SLC35F1: variants seen among roughly 807,000 people sequenced by gnomAD.
SLC35F1 encodes the protein solute carrier family 35 member F1, also known as chromosome 6 open reading frame 169.
SLC35F1 carries 14 observed loss-of-function variants against 48.7 expected under a neutral mutation model. The ratio of observed to expected loss-of-function variants is 0.29; its 90% CI spans 0.19 to 0.45. The LOEUF (loss-of-function observed/expected upper bound fraction) is 0.45, where lower values mean the gene tolerates loss of function less well. SLC35F1 is among the 20% of genes least tolerant of loss of function. SLC35F1 has a pLI of 1.00. For missense variants in SLC35F1, 404 were observed against 500.0 expected (o/e 0.81, Z 1.83); for synonymous variants, 190 against 202.2 (o/e 0.94, Z 0.51).
chr6:118,062,002 A>C (rs1019109736), intron 1 of SLC35F1, among the ~76,000 whole-genome samples: 2 of 152,128 alleles, frequency 1.3e-5, no homozygotes. Context: ...CCCTGGCTTA[A>C]ACCATAGTTG....
At chr6:118,229,775 G>A (rs376068356) in intron 2 of SLC35F1, among the ~76,000 whole-genome samples, 27 of 152,260 alleles carry the variant, frequency 1.8e-4, no homozygotes, top group African/African-American at 6.3e-4. Context: ...GACACTCTCT[G>A]ACACATAGTA....
At chr6:118,124,570 T>G (rs1433435038) in intron 1 of SLC35F1, among the ~76,000 whole-genome samples, 1 of 152,174 alleles carries the variant, frequency 6.6e-6, no homozygotes, top group Non-Finnish European at 1.5e-5. Context: ...TGTGACCTAC[T>G]GACTGAGGTC....
chr6:118,051,759 C>T (rs1772394948), intron 1 of SLC35F1, among the ~76,000 whole-genome samples: 1 of 152,078 alleles, frequency 6.6e-6, no homozygotes, highest in Admixed American at 6.6e-5. Flanking sequence ...CAGTATTAAC[C>T]ATTAATGAAG....
At position 117,907,824 on chromosome 6, in the gene SLC35F1, G is replaced by T; in HGVS notation, c.98G>T (p.Gly33Val). 1 of 1,544,378 alleles carries T rather than the reference G, an allele frequency of 6.5e-7. No individual in the cohort carries two copies. The change falls in exon 1 of 8, where the codon GGC (glycine) becomes GTC (valine). Residue 33 changes from glycine (G) to valine (V), a missense_variant. Around this residue, in one of 2 missense-constraint regions of SLC35F1, gnomAD observed 98 missense variants for 81.0 expected, o/e 1.21. Transcript: ENST00000360388. ...VTTIENLPAE[G>V]SGGGGSLSAS... ...ACCATCGAGAACCTGCCGGCCGAGG[G>T]CAGCGGCGGCGGCGGGAGCCTGTCC...
chr6:117,971,571 C>T lies in SLC35F1; in HGVS notation c.173+63672C>T, dbSNP rs543459167. Among the ~76,000 whole-genome samples the T allele has an allele frequency of 3.3e-5, 5 of 152,354 alleles. No individual in the cohort carries two copies. In the South Asian group the frequency reaches 1.0e-3, roughly 32 times the overall value. On this transcript the variant is annotated intron_variant, in intron 1 of 7. Transcript: ENST00000360388. ...CAGAGGCTCTCCATGAGGGGTCCAC[C>T]CCTGCAGTAAGCTTCTGCCTGGACA...
At chr6:118,204,083 C>T (rs1330651003) in intron 2 of SLC35F1, among the ~76,000 whole-genome samples, 1 of 150,844 alleles carries the variant, frequency 6.6e-6, no homozygotes, top group Non-Finnish European at 1.5e-5. Context: ...TCAGAGAAGA[C>T]TTAATTAAGG....
At chr6:118,133,344 A>C (rs930842713) in intron 1 of SLC35F1, among the ~76,000 whole-genome samples, 24 of 152,166 alleles carry the variant, frequency 1.6e-4, no homozygotes, top group African/African-American at 5.3e-4. Context: ...CTTGACTGAG[A>C]AGCTTTTTCA....
chr6:118,079,302 A>G (rs1772870774), intron 1 of SLC35F1, among the ~76,000 whole-genome samples: 1 of 152,200 alleles, frequency 6.6e-6, no homozygotes, highest in Admixed American at 6.5e-5. Flanking sequence ...TGTTCATTTT[A>G]CTTAGCATAA....
At chr6:118,098,103 G>A (rs1773204136) in intron 1 of SLC35F1, among the ~76,000 whole-genome samples, 2 of 152,146 alleles carry the variant, frequency 1.3e-5, no homozygotes, top group African/African-American at 4.8e-5. Flanking sequence ...AGTTCTAGGT[G>A]AAGATACAAT....
intron 2 of SLC35F1, among the ~76,000 whole-genome samples, chr6:118,200,072 T>C (rs1774852947): frequency 6.6e-6 from 1 of 152,112 alleles, no homozygotes; most frequent in Non-Finnish European, 1.5e-5. Flanking sequence ...TGATACATAG[T>C]ACCAAATTGC....
At chr6:118,062,027 C>T (rs1213826073) in intron 1 of SLC35F1, among the ~76,000 whole-genome samples, 8 of 151,680 alleles carry the variant, frequency 5.3e-5, no homozygotes, top group Non-Finnish European at 1.2e-4. Flanking sequence ...GTAGTTTTAC[C>T]CATATTCTAG....
At chr6:118,200,859 C>T (rs1774865441) in intron 2 of SLC35F1, among the ~76,000 whole-genome samples, 1 of 152,076 alleles carries the variant, frequency 6.6e-6, no homozygotes, top group South Asian at 2.1e-4. Flanking sequence ...AGTGTGCTTA[C>T]TCCTTTTCTT....
intron 2 of SLC35F1, among the ~76,000 whole-genome samples, chr6:118,155,536 A>G (rs1774127133): frequency 6.6e-6 from 1 of 152,160 alleles, no homozygotes; most frequent in African/African-American, 2.4e-5. Flanking sequence ...AAAGGCCCTC[A>G]CCAGATGTGA....
intron 2 of SLC35F1, among the ~76,000 whole-genome samples, chr6:118,213,068 C>T (rs112547589): frequency 4.7e-4 from 71 of 152,218 alleles, no homozygotes; most frequent in African/African-American, 1.6e-3. Flanking sequence ...AAGTTTGAAT[C>T]CATCTGGGCA....
chr6:118,063,214 T>A (rs1214117914), intron 1 of SLC35F1, among the ~76,000 whole-genome samples: 2 of 152,170 alleles, frequency 1.3e-5, no homozygotes, highest in Non-Finnish European at 2.9e-5. Context: ...TATCCTAAAT[T>A]TTTTTCACCA....
intron 1 of SLC35F1, among the ~76,000 whole-genome samples, chr6:118,133,804 C>T (rs903118541): frequency 6.6e-6 from 1 of 152,162 alleles, no homozygotes; most frequent in African/African-American, 2.4e-5. Flanking sequence ...CCATACCTGC[C>T]GTGACCTCCC....
At chr6:118,050,551 C>G (rs1772374097) in intron 1 of SLC35F1, among the ~76,000 whole-genome samples, 1 of 152,022 alleles carries the variant, frequency 6.6e-6, no homozygotes, top group South Asian at 2.1e-4. Flanking sequence ...TAAGGAAGAA[C>G]AGAAACTATC....
At chr6:118,048,889 AGAG>A (rs1772340864) in intron 1 of SLC35F1, among the ~76,000 whole-genome samples, 1 of 152,204 alleles carries the variant, frequency 6.6e-6, no homozygotes, top group African/African-American at 2.4e-5. Context: ...GAACCAAAAA[AGAG>A]CCCGCATCGC....
chr6:118,232,904 C>T (rs1010167978), intron 2 of SLC35F1, among the ~76,000 whole-genome samples: 1 of 152,024 alleles, frequency 6.6e-6, no homozygotes, highest in African/African-American at 2.4e-5. Context: ...TGCACAGGCC[C>T]CCACCCAAGA....
Sources: allele counts gnomAD v4.1 joint callset (sites outside exome capture counted in the v4.1 genomes callset), GRCh38; gene constraint gnomAD v4.1.1; regional missense constraint gnomAD v4.1.1; transcripts MANE v1.5; gene names NCBI Gene and HGNC (gene_info 2026-07-23, HGNC 2026-07-21).